The following GADL1 variants were observed in gnomAD, a reference collection of about 807,000 sequenced individuals.
The protein encoded by GADL1 is GAD like acidic amino acid decarboxylase 1.
GADL1 carries 71 observed loss-of-function variants against 69.5 expected under a neutral mutation model. The ratio of observed to expected loss-of-function variants is 1.02; its 90% CI spans 0.84 to 1.25. The LOEUF (loss-of-function observed/expected upper bound fraction) is 1.25, where lower values mean the gene tolerates loss of function less well. Ranked by LOEUF, GADL1 falls within the 50% of genes most tolerant of loss-of-function variation. GADL1 has a pLI of 0.00. For missense variants in GADL1, 737 were observed against 631.8 expected (o/e 1.17, Z -1.79); for synonymous variants, 254 against 214.4 (o/e 1.18, Z -1.62).
chr3:30,878,858 A>G (rs551385294), intron 1 of GADL1, among the ~76,000 whole-genome samples: 1 of 151,932 alleles, frequency 6.6e-6, no homozygotes, highest in Non-Finnish European at 1.5e-5. Flanking sequence ...AAAAGGTAAC[A>G]ACATTTATTT....
chr3:30,740,870 T>C (rs1695605809), intron 14 of GADL1, among the ~76,000 whole-genome samples: 1 of 146,652 alleles, frequency 6.8e-6, no homozygotes, highest in Non-Finnish European at 1.5e-5. Flanking sequence ...AGTTATTTCC[T>C]GAACAATTTT....
At chr3:30,817,114 A>C (rs1049602713) in intron 11 of GADL1, among the ~76,000 whole-genome samples, 1 of 152,066 alleles carries the variant, frequency 6.6e-6, no homozygotes, top group African/African-American at 2.4e-5. Flanking sequence ...ATGAGAGACA[A>C]TATGTCTTCT....
intron 11 of GADL1, among the ~76,000 whole-genome samples, chr3:30,832,430 A>G (rs1051170860): frequency 6.6e-6 from 1 of 152,030 alleles, no homozygotes; most frequent in Non-Finnish European, 1.5e-5. Flanking sequence ...TGTTGTCTAA[A>G]TTACTCAAAT....
At chr3:30,817,970 G>T (rs909244238) in intron 11 of GADL1, among the ~76,000 whole-genome samples, 13 of 152,140 alleles carry the variant, frequency 8.5e-5, no homozygotes, top group African/African-American at 3.1e-4. Context: ...TACAATTCTT[G>T]TTTTTTTAGT....
chr3:30,735,019 T>C (rs1490112441), intron 14 of GADL1, among the ~76,000 whole-genome samples: 1 of 152,182 alleles, frequency 6.6e-6, no homozygotes, highest in Non-Finnish European at 1.5e-5. Flanking sequence ...ACTTTGTTGT[T>C]GTTGTTTTTC....
intron 11 of GADL1, 60 bp from the exon 12 acceptor site, chr3:30,801,148 G>T: frequency 7.8e-7 from 1 of 1,276,542 alleles, no homozygotes; most frequent in Non-Finnish European, 1.1e-6. Flanking sequence ...GATTTTGAAA[G>T]CAAACACATG....
At chr3:30,859,007 C>T (rs777325068) in intron 2 of GADL1, among the ~76,000 whole-genome samples, 2 of 151,970 alleles carry the variant, frequency 1.3e-5, no homozygotes, top group East Asian at 3.9e-4. Flanking sequence ...GCTAAGAAGC[C>T]GAATTAGATA....
intron 1 of GADL1, among the ~76,000 whole-genome samples, chr3:30,878,933 C>T (rs1698610454): frequency 6.6e-6 from 1 of 151,884 alleles, no homozygotes. Flanking sequence ...AGGCAATGTT[C>T]TGTTTAACTG....
intron 14 of GADL1, among the ~76,000 whole-genome samples, chr3:30,748,172 C>G (rs564525728): frequency 6.6e-6 from 1 of 152,282 alleles, no homozygotes; most frequent in Admixed American, 6.5e-5. Flanking sequence ...GGCATAGACA[C>G]TATGGATTGA....
intron 14 of GADL1, among the ~76,000 whole-genome samples, chr3:30,777,077 T>G (rs1369576221): frequency 1.3e-5 from 2 of 152,196 alleles, no homozygotes; most frequent in Non-Finnish European, 2.9e-5. Context: ...CTTTACTCAT[T>G]GTCTCTAGGA....
chr3:30,740,852 T>A (rs562284665), intron 14 of GADL1, among the ~76,000 whole-genome samples: 1 of 148,702 alleles, frequency 6.7e-6, no homozygotes, highest in Non-Finnish European at 1.5e-5. Context: ...GCTTTTAACT[T>A]TGTTTTTAGT....
At chr3:30,785,061 C>T (rs1696757906) in intron 13 of GADL1, among the ~76,000 whole-genome samples, 1 of 152,166 alleles carries the variant, frequency 6.6e-6, no homozygotes, top group South Asian at 2.1e-4. Context: ...TTAAAATCCC[C>T]TACCCAGATT....
intron 8 of GADL1, among the ~76,000 whole-genome samples, chr3:30,840,168 A>C (rs1697943865): frequency 6.6e-6 from 1 of 152,160 alleles, no homozygotes; most frequent in South Asian, 2.1e-4. Flanking sequence ...AGTTTTATAA[A>C]GTGCATGCTC....
chr3:30,855,079 G>A (rs1372655928), intron 3 of GADL1, among the ~76,000 whole-genome samples: 2 of 152,020 alleles, frequency 1.3e-5, no homozygotes, highest in Non-Finnish European at 2.9e-5. Flanking sequence ...GGCTCCATAT[G>A]CACAGCTACG....
At chr3:30,828,485 G>C (rs1428152353) in intron 11 of GADL1, among the ~76,000 whole-genome samples, 4 of 150,224 alleles carry the variant, frequency 2.7e-5, no homozygotes, top group Non-Finnish European at 5.9e-5. Flanking sequence ...AAAGTGGGGG[G>C]GGTGCGGGGG....
chr3:30,775,122 T>C (rs59609343), intron 14 of GADL1, among the ~76,000 whole-genome samples: 32,090 of 152,128 alleles, frequency 0.21, 7,592 homozygotes, highest in African/African-American at 0.56. Context: ...ATTGTTAGGC[T>C]ACAGTGATTG....
intron 13 of GADL1, among the ~76,000 whole-genome samples, chr3:30,781,265 T>C (rs1696660158): frequency 6.6e-6 from 1 of 152,218 alleles, no homozygotes; most frequent in South Asian, 2.1e-4. Flanking sequence ...ATTCTAAAGT[T>C]CTTTATCAAT....
At chr3:30,889,820 T>C (rs550191481) in intron 1 of GADL1, among the ~76,000 whole-genome samples, 24 of 152,218 alleles carry the variant, frequency 1.6e-4, no homozygotes, top group Non-Finnish European at 3.2e-4. Flanking sequence ...GATCTTATAA[T>C]ATACATAGTT....
Position 30,728,295 on chromosome 3 carries a change from C to G in GADL1, c.1513G>C (p.Glu505Gln). The change falls in exon 15 of 15, where the codon GAG (glutamate) becomes CAG (glutamine). Residue 505 changes from glutamate (E) to glutamine (Q), a missense_variant. Physicochemically the swap from Glu to Gln is conservative, Grantham distance 29. Coordinates refer to ENST00000282538, the MANE Select transcript of GADL1 (RefSeq NM_207359.3). ...QVVISPQVSR[E>Q]DMDFLLDEID... The stretch of plus-strand genomic sequence containing the variant: ...TCATCCAGGAGGAAGTCCATGTCCT[C>G]CCGGCTCACTTGAGGGCTGATCACC... 6.2e-7 allele frequency: 1 copy of G among 1,613,888 alleles called. No individual in the cohort carries two copies. The highest frequency in any genetic ancestry group is 8.5e-7 in the Non-Finnish European group (1 of 1,179,838).
Sources: allele counts gnomAD v4.1 joint callset (sites outside exome capture counted in the v4.1 genomes callset), GRCh38; gene constraint gnomAD v4.1.1; transcripts MANE v1.5; gene names NCBI Gene and HGNC (gene_info 2026-07-23, HGNC 2026-07-21).